RRAGD: variants seen among roughly 807,000 people sequenced by gnomAD.
RRAGD encodes Ras related GTP binding D, also known as ras-related GTP-binding protein D.
Under a neutral mutation model 35.5 loss-of-function variants are expected in RRAGD, and 12 were observed. The ratio of observed to expected loss-of-function variants is 0.34; its 90% CI spans 0.22 to 0.55. The LOEUF (loss-of-function observed/expected upper bound fraction) is 0.55. Among genes scored for constraint, RRAGD ranks in the 20% least tolerant of loss-of-function variants. The pLI, the probability that RRAGD is intolerant of heterozygous loss-of-function variation, is 0.91. For missense variants in RRAGD, 324 were observed against 490.1 expected (o/e 0.66, Z 3.20); for synonymous variants, 155 against 178.9 (o/e 0.87, Z 1.07).
intron 2 of RRAGD, among the ~76,000 whole-genome samples, chr6:89,383,898 T>A (rs1034098721): frequency 6.6e-6 from 1 of 151,508 alleles, no homozygotes; most frequent in African/African-American, 2.4e-5. Context: ...CCGAGGCGGG[T>A]GGATCACGAG....
At chr6:89,390,220 A>G (rs1460856869) in intron 1 of RRAGD, among the ~76,000 whole-genome samples, 1 of 152,266 alleles carries the variant, frequency 6.6e-6, no homozygotes, top group Non-Finnish European at 1.5e-5. Context: ...AAAAATTTTA[A>G]AAGTAAAAAG....
chr6:89,409,565 C>T (rs539008702), intron 1 of RRAGD, among the ~76,000 whole-genome samples: 1 of 152,292 alleles, frequency 6.6e-6, no homozygotes, highest in African/African-American at 2.4e-5. Context: ...TAATGCAACA[C>T]GTGAATCAGC....
At chr6:89,390,271 T>A (rs1457500487) in intron 1 of RRAGD, among the ~76,000 whole-genome samples, 1 of 152,166 alleles carries the variant, frequency 6.6e-6, no homozygotes, top group East Asian at 1.9e-4. Flanking sequence ...AAATCATACA[T>A]GTGATAAGAG....
intron 1 of RRAGD, among the ~76,000 whole-genome samples, chr6:89,396,637 T>C (rs995150285): frequency 1.5e-4 from 23 of 151,912 alleles, no homozygotes; most frequent in African/African-American, 5.6e-4. Flanking sequence ...CAGGCTGGTC[T>C]TGAACTCCTG....
chr6:89,390,811 T>A (rs1769219388), intron 1 of RRAGD, among the ~76,000 whole-genome samples: 2 of 152,016 alleles, frequency 1.3e-5, no homozygotes, highest in South Asian at 4.1e-4. Context: ...GGCAAGAGAA[T>A]CACTTGAACC....
chr6:89,372,783 C>T (rs976385104), intron 5 of RRAGD, among the ~76,000 whole-genome samples, 198 bp from the exon 6 acceptor site: 1 of 152,260 alleles, frequency 6.6e-6, no homozygotes, highest in Non-Finnish European at 1.5e-5. Flanking sequence ...TTCCTACTGA[C>T]AATGAGTGGC....
At position 89,366,829 on chromosome 6, in the gene RRAGD, C is replaced by T. The variant is rs1768758913; in HGVS notation, c.*1227G>A. 1 of 152,174 alleles carries T rather than the reference C, an allele frequency of 6.6e-6. No homozygotes were observed. Among genetic ancestry groups the T allele is most frequent in the Non-Finnish European group, 1.5e-5 (1 of 68,042 alleles). 9.4% of individuals were successfully genotyped at this position (152,174 alleles called of 1,614,324 possible). The stretch of plus-strand genomic sequence containing the variant: ...CTAATTGTAATGTCTCTCCAGCCAT[C>T]CTTTTCCCACTGACCTTTAGGGGTC... On this transcript the variant is annotated 3_prime_UTR_variant, in exon 7 of 7. Coordinates refer to ENST00000369415, the MANE Select transcript of RRAGD (RefSeq NM_021244.5).
chr6:89,379,890 A>G (rs1257732392), intron 3 of RRAGD, among the ~76,000 whole-genome samples: 1 of 152,214 alleles, frequency 6.6e-6, no homozygotes, highest in African/African-American at 2.4e-5. Flanking sequence ...ACTAACTACT[A>G]AAATTATATT....
chr6:89,372,659 C>G, intron 5 of RRAGD, 74 bp from the exon 6 acceptor site: 5 of 1,410,850 alleles, frequency 3.5e-6, no homozygotes, highest in Non-Finnish European at 3.8e-6. Context: ...GACAAGAGAC[C>G]GGCTTTAAGC....
intron 6 of RRAGD, among the ~76,000 whole-genome samples, chr6:89,371,445 T>C (rs1768853607): frequency 6.6e-6 from 1 of 151,970 alleles, no homozygotes; most frequent in Non-Finnish European, 1.5e-5. Context: ...GCCATGACTG[T>C]GCCACTGCAC....
At chr6:89,376,166 C>A (rs751507021) in intron 5 of RRAGD, among the ~76,000 whole-genome samples, 4 of 152,088 alleles carry the variant, frequency 2.6e-5, no homozygotes, top group African/African-American at 9.7e-5. Context: ...CAGATGTCAG[C>A]GTTTAATTAT....
intron 5 of RRAGD, among the ~76,000 whole-genome samples, chr6:89,376,299 T>G (rs1261127034): frequency 1.3e-4 from 12 of 89,378 alleles, no homozygotes; most frequent in Middle Eastern, 4.9e-3. Context: ...CATGTGTGTG[T>G]GGTGTGTGTG....
chr6:89,383,849 C>A (rs1562452016), intron 2 of RRAGD, among the ~76,000 whole-genome samples: 1 of 152,052 alleles, frequency 6.6e-6, no homozygotes, highest in East Asian at 1.9e-4. Flanking sequence ...AGGGGCCAGG[C>A]GTAGTGGCTC....
At chr6:89,368,505 T>G (rs1338252623) in intron 6 of RRAGD, among the ~76,000 whole-genome samples, 1 of 152,206 alleles carries the variant, frequency 6.6e-6, no homozygotes, top group Non-Finnish European at 1.5e-5. Context: ...ACTGAACTTT[T>G]TTTTTAACCT....
In RRAGD at chr6:89,379,528, AGCTGTGCCTATTCTCATCT is replaced by A. The variant is rs532183887; in HGVS notation, c.645-209_645-191del. On this transcript the variant is annotated intron_variant, in intron 3 of 6. Transcript: ENST00000369415. ...TCCTCCCCACCTCCCAAAAAGCCCG[AGCTGTGCCTATTCTCATCT>A]GCTGTGCCTATTCTCATCTGCCAAC... is the stretch of plus-strand genomic sequence containing the variant. 3.9e-5 allele frequency among the ~76,000 whole-genome samples: 6 copies of A among 152,270 alleles called. No individual in the cohort carries two copies. In the South Asian group the frequency reaches 6.2e-4, roughly 16 times the overall value.
At position 89,412,157 on chromosome 6, in the gene RRAGD, G is replaced by C. The variant is rs1178058496; in HGVS notation, c.-164C>G. 1 of 559,368 alleles carries C rather than the reference G, an allele frequency of 1.8e-6. No homozygotes were observed. The highest frequency in any genetic ancestry group is 2.6e-6 in the Non-Finnish European group (1 of 379,884). 34.7% of individuals were successfully genotyped at this position (559,368 alleles called of 1,614,324 possible). A position where few individuals can be genotyped will look rare whatever the true frequency, so the allele number is the denominator to read the frequency against. On this transcript the variant is annotated 5_prime_UTR_variant, in exon 1 of 7. Coordinates refer to ENST00000369415, the MANE Select transcript of RRAGD (RefSeq NM_021244.5). This position sits in a 1 kb window ranked among gnomAD's most constrained non-coding sequence, Gnocchi z 4.2. ...CGCGTCCCCCGGCGGGCGGCGCCCA[G>C]GTCCGGGTCCCGCGGTTCCCAGCGC...
chr6:89,373,145 T>C (rs1258726506), intron 5 of RRAGD, among the ~76,000 whole-genome samples: 1 of 152,146 alleles, frequency 6.6e-6, no homozygotes, highest in Non-Finnish European at 1.5e-5. Context: ...TACTCTCAAA[T>C]GGTTCACTGA....
At chr6:89,370,774 G>A (rs1245490234) in intron 6 of RRAGD, among the ~76,000 whole-genome samples, 1 of 152,058 alleles carries the variant, frequency 6.6e-6, no homozygotes, top group Non-Finnish European at 1.5e-5. Context: ...TTTAAGTGAA[G>A]GTTATAAAGT....
At chr6:89,374,011 C>A (rs1311724552) in intron 5 of RRAGD, among the ~76,000 whole-genome samples, 3 of 152,120 alleles carry the variant, frequency 2.0e-5, no homozygotes, top group Middle Eastern at 3.2e-3. Context: ...CATAAATTTT[C>A]TGATTTATTT....
Sources: allele counts gnomAD v4.1 joint callset (sites outside exome capture counted in the v4.1 genomes callset), GRCh38; gene constraint gnomAD v4.1.1; non-coding constraint Gnocchi (gnomAD v3.1); transcripts MANE v1.5; gene names NCBI Gene and HGNC (gene_info 2026-07-23, HGNC 2026-07-21).